The following MAP2 variants were observed in gnomAD, a reference collection of about 807,000 sequenced individuals.
The protein encoded by MAP2 is microtubule-associated protein 2.
Under a neutral mutation model 137.6 loss-of-function variants are expected in MAP2, and 14 were observed. The observed-to-expected ratio is 0.10, with a 90% CI of 0.07 to 0.16. The LOEUF (loss-of-function observed/expected upper bound fraction) is 0.16. MAP2 is among the 10% of genes least tolerant of loss of function. The probability of loss-of-function intolerance (pLI) is 1.00; values close to 1 mark genes in which losing one functional copy is unlikely to be tolerated. For missense variants in MAP2, 2,088 were observed against 2,191.5 expected (o/e 0.95, Z 0.94); for synonymous variants, 786 against 782.3 (o/e 1.00, Z -0.08).
chr2:209,664,962 CAAAAAAAAAAA>C (rs67286716), intron 5 of MAP2, among the ~76,000 whole-genome samples: 5 of 51,836 alleles, frequency 9.6e-5, no homozygotes, highest in African/African-American at 1.7e-4. Context: ...AACTCCGTCT[CAAAAAAAAAAA>C]AAAAAAAAAA....
At chr2:209,501,367 G>T (rs749975349) in intron 1 of MAP2, among the ~76,000 whole-genome samples, 2 of 152,100 alleles carry the variant, frequency 1.3e-5, no homozygotes, top group Non-Finnish European at 2.9e-5. Context: ...AGGCCTATTT[G>T]AGTTTGACAT....
At chr2:209,657,880 A>G (rs2041658262) in intron 5 of MAP2, among the ~76,000 whole-genome samples, 1 of 152,266 alleles carries the variant, frequency 6.6e-6, no homozygotes, top group Admixed American at 6.5e-5. Flanking sequence ...CTTTTTTTCT[A>G]GGATTTTTAT....
chr2:209,534,882 G>A (rs577238729), intron 2 of MAP2, among the ~76,000 whole-genome samples: 5 of 152,196 alleles, frequency 3.3e-5, no homozygotes, highest in Middle Eastern at 3.4e-3. Flanking sequence ...AATGGAATAC[G>A]TGCATTTTTT....
intron 12 of MAP2, 53 bp from the exon 13 acceptor site, chr2:209,709,861 T>C (rs1189828524): frequency 2.3e-5 from 30 of 1,310,132 alleles, no homozygotes; most frequent in Middle Eastern, 2.1e-4. Context: ...GAGGGATGTT[T>C]TGAGGAGAAT....
At chr2:209,425,014 C>A (rs1692151431) in intron 1 of MAP2, among the ~76,000 whole-genome samples, 2 of 152,088 alleles carry the variant, frequency 1.3e-5, no homozygotes, top group South Asian at 4.2e-4. Context: ...TGGCTGCCTG[C>A]CTTCCCCCAC....
At chr2:209,525,006 A>G (rs964900075) in intron 2 of MAP2, among the ~76,000 whole-genome samples, 1 of 152,150 alleles carries the variant, frequency 6.6e-6, no homozygotes, top group African/African-American at 2.4e-5. Flanking sequence ...AGGAAATTCA[A>G]ATCTTGAGAC....
At chr2:209,629,043 T>C (rs181607817) in intron 4 of MAP2, among the ~76,000 whole-genome samples, 74 of 152,356 alleles carry the variant, frequency 4.9e-4, no homozygotes, top group African/African-American at 1.7e-3. Flanking sequence ...TTTATAGCAT[T>C]ATGAGAAACT....
chr2:209,427,670 C>G (rs1692947746), intron 1 of MAP2, among the ~76,000 whole-genome samples: 1 of 152,250 alleles, frequency 6.6e-6, no homozygotes, highest in South Asian at 2.1e-4. Flanking sequence ...GCACTTATTA[C>G]CATTTATGTA....
intron 13 of MAP2, among the ~76,000 whole-genome samples, chr2:209,714,211 A>G (rs554271625): frequency 1.3e-5 from 2 of 152,302 alleles, no homozygotes; most frequent in South Asian, 2.1e-4. Context: ...CAATAAATAA[A>G]TAAATAAATA....
intron 7 of MAP2, among the ~76,000 whole-genome samples, chr2:209,681,097 C>A (rs997070339): frequency 6.6e-6 from 1 of 151,884 alleles, no homozygotes; most frequent in African/African-American, 2.4e-5. Flanking sequence ...CTGTAGAGAC[C>A]CCATTCACTT....
At chr2:209,431,136 T>A (rs879910561) in intron 1 of MAP2, among the ~76,000 whole-genome samples, 25 of 152,176 alleles carry the variant, frequency 1.6e-4, no homozygotes, top group Non-Finnish European at 3.4e-4. Context: ...CTTTGTACAA[T>A]CCTGGACATT....
At chr2:209,455,663 A>G (rs1701367119) in intron 1 of MAP2, among the ~76,000 whole-genome samples, 1 of 152,246 alleles carries the variant, frequency 6.6e-6, no homozygotes, top group South Asian at 2.1e-4. Flanking sequence ...TAATATATGT[A>G]GAGCTGGATG....
At chr2:209,726,647 C>T (rs1314341554) in intron 14 of MAP2, among the ~76,000 whole-genome samples, 1 of 152,064 alleles carries the variant, frequency 6.6e-6, no homozygotes, top group African/African-American at 2.4e-5. Context: ...GCTTGTAGTC[C>T]TAGCTACTTT....
At chr2:209,647,462 A>G (rs2094490831) in intron 4 of MAP2, among the ~76,000 whole-genome samples, 1 of 152,232 alleles carries the variant, frequency 6.6e-6, no homozygotes, top group South Asian at 2.1e-4. Flanking sequence ...CGAGAAATTA[A>G]TTCATATACC....
At chr2:209,729,517 T>A (rs2075317104) in intron 14 of MAP2, among the ~76,000 whole-genome samples, 1 of 152,200 alleles carries the variant, frequency 6.6e-6, no homozygotes, top group Admixed American at 6.5e-5. Flanking sequence ...AGGATTCAAA[T>A]AAGATATTTT....
At chr2:209,611,820 C>T (rs2086982099) in intron 3 of MAP2, among the ~76,000 whole-genome samples, 1 of 152,112 alleles carries the variant, frequency 6.6e-6, no homozygotes, top group Non-Finnish European at 1.5e-5. Context: ...TCAGAGGTAA[C>T]ACTTTACAGG....
chr2:209,577,601 T>A (rs1455366006), intron 2 of MAP2, among the ~76,000 whole-genome samples: 3 of 152,194 alleles, frequency 2.0e-5, no homozygotes, highest in Non-Finnish European at 4.4e-5. Context: ...TTATTATCAT[T>A]ATTATTGTAA....
At chr2:209,718,896 A>G (rs1584497230) in intron 13 of MAP2, among the ~76,000 whole-genome samples, 1 of 152,238 alleles carries the variant, frequency 6.6e-6, no homozygotes, top group Non-Finnish European at 1.5e-5. Flanking sequence ...TTTGAAGAAC[A>G]TCATGTGTGC....
intron 3 of MAP2, among the ~76,000 whole-genome samples, chr2:209,590,466 G>A (rs2078962705): frequency 6.6e-6 from 1 of 152,078 alleles, no homozygotes; most frequent in Non-Finnish European, 1.5e-5. Context: ...CTCCAGAGTA[G>A]CTGGGATTAC....
Sources: allele counts gnomAD v4.1 joint callset (sites outside exome capture counted in the v4.1 genomes callset), GRCh38; gene constraint gnomAD v4.1.1; transcripts MANE v1.5; gene names NCBI Gene and HGNC (gene_info 2026-07-23, HGNC 2026-07-21).